The following TULP4 variants were observed in gnomAD, a reference collection of about 807,000 sequenced individuals.
TULP4 encodes tubby-related protein 4.
In TULP4, 16 loss-of-function variants were observed where a neutral mutation model predicts 129.0. That is an observed-to-expected ratio of 0.12 (90% CI 0.08 to 0.19). The LOEUF (loss-of-function observed/expected upper bound fraction) is 0.19. TULP4 is among the 10% of genes least tolerant of loss of function. TULP4 has a pLI of 1.00. For synonymous variants in TULP4, 998 were observed against 854.0 expected (o/e 1.17, Z -2.94); for missense variants, 1,842 against 2,059.1 (o/e 0.89, Z 2.04).
chr6:158,308,784 G>A (rs1389703844), upstream of TULP4, among the ~76,000 whole-genome samples: 43 of 140,020 alleles, frequency 3.1e-4, no homozygotes, highest in South Asian at 3.5e-3. Context: ...CCTCCCGGAC[G>A]GGGCAGCTGG....
chr6:158,508,878 GTTTTTTTTTTTTT>G lies in TULP4; in HGVS notation c.*2199_*2211del, dbSNP rs35396796. The G allele has an allele frequency of 1.0e-4, 8 of 77,680 alleles. No homozygotes were observed. Among genetic ancestry groups the G allele is most frequent in the African/African-American group, 1.7e-4 (3 of 17,672 alleles). 4.8% of individuals were successfully genotyped at this position (77,680 alleles called of 1,614,324 possible). A position where few individuals can be genotyped will look rare whatever the true frequency, so the allele number is the denominator to read the frequency against. On this transcript the variant is annotated 3_prime_UTR_variant, in exon 14 of 14. Coordinates refer to ENST00000367097, the MANE Select transcript of TULP4 (RefSeq NM_020245.5). ...AGAAATAAAGAGGATATGATAGAAG[GTTTTTTTTTTTTT>G]TTTTTTTTTTTTTTGAGACGGAGTC... is the stretch of plus-strand genomic sequence containing the variant.
At chr6:158,242,665 A>T in intron 1 of TULP4, 1 of 655,802 alleles carries the variant, frequency 1.5e-6, no homozygotes, top group South Asian at 1.6e-5. Context: ...TGGATAAGGC[A>T]TATCACTTTA....
In TULP4 at chr6:158,394,398, A is replaced by AAAT. The variant is rs1435251784; in HGVS notation, c.253-18667_253-18666insAAT. Among the ~76,000 whole-genome samples the AAAT allele has an allele frequency of 4.1e-3, 630 of 152,238 alleles. 7 individuals carry two copies. The highest frequency in any genetic ancestry group is 0.015 in the African/African-American group (607 of 41,546). ...ACCTTTGCCTATTACCCAGTTTCGAAGTCGCTTCCACATTTTCAGGTATCT... is the reference window on the plus strand; with the variant it reads ...ACCTTTGCCTATTACCCAGTTTCGAAAATGTCGCTTCCACATTTTCAGGTATCT... On this transcript the variant is annotated intron_variant, in intron 1 of 13. Coordinates refer to ENST00000367097, the MANE Select transcript of TULP4 (RefSeq NM_020245.5).
chr6:158,317,599 C>T (rs1372480380), intron 1 of TULP4, among the ~76,000 whole-genome samples: 1 of 152,122 alleles, frequency 6.6e-6, no homozygotes, highest in African/African-American at 2.4e-5. Flanking sequence ...CAAGTTTTTG[C>T]TATTGTGAAT....
At chr6:158,485,469 G>A (rs954737671) in intron 8 of TULP4, among the ~76,000 whole-genome samples, 2 of 152,232 alleles carry the variant, frequency 1.3e-5, no homozygotes, top group Non-Finnish European at 1.5e-5. Flanking sequence ...GATGGAAACA[G>A]GATGAAAGGA....
At chr6:158,485,372 A>G (rs1281582589) in intron 8 of TULP4, among the ~76,000 whole-genome samples, 1 of 152,242 alleles carries the variant, frequency 6.6e-6, no homozygotes, top group Non-Finnish European at 1.5e-5. Flanking sequence ...ATTTTGAAGA[A>G]AATACCAAAG....
At chr6:158,448,778 G>T (rs993956462) in intron 3 of TULP4, among the ~76,000 whole-genome samples, 1 of 152,190 alleles carries the variant, frequency 6.6e-6, no homozygotes, top group African/African-American at 2.4e-5. Context: ...TACTCATTCT[G>T]CTGTTAGTCA....
rs562260459 is a variant in TULP4, at chr6:158,347,725, G to A, written c.252+33457G>A. ...GCCAGCTGTCTCCCCTGCCTGGGTG[G>A]TGCCTTCTTGACACTTAGATTCTAC... is the stretch of plus-strand genomic sequence containing the variant. On this transcript the variant is annotated intron_variant, in intron 1 of 13. Coordinates refer to ENST00000367097, the MANE Select transcript of TULP4 (RefSeq NM_020245.5). 3.3e-5 allele frequency among the ~76,000 whole-genome samples: 5 copies of A among 152,318 alleles called. No homozygotes were observed. In the East Asian group the frequency reaches 9.6e-4, roughly 29 times the overall value.
chr6:158,506,492 A>T, intron 13 of TULP4, 86 bp from the exon 14 acceptor site: 1 of 889,040 alleles, frequency 1.1e-6, no homozygotes, highest in Non-Finnish European at 1.9e-6. Flanking sequence ...CGGCCTCCCA[A>T]AGTGCTGGGA....
chr6:158,429,904 C>A lies in TULP4; in HGVS notation c.543+7C>A, dbSNP rs1554290589. 3.7e-6 allele frequency: 6 copies of A among 1,612,802 alleles called. No individual in the cohort carries two copies. Among genetic ancestry groups the A allele is most frequent in the Non-Finnish European group, 5.1e-6 (6 of 1,179,480 alleles). Reference sequence around the variant, plus strand: ...GACTCCTGACGACCAACAGGTAACACTTCTGAAATGTGGTGGGTGTGTGAC... The same window carrying A: ...GACTCCTGACGACCAACAGGTAACAATTCTGAAATGTGGTGGGTGTGTGAC... On this transcript the variant is annotated splice_region_variant and intron_variant, in intron 3 of 13. Coordinates refer to ENST00000367097, the MANE Select transcript of TULP4 (RefSeq NM_020245.5).
rs1780662287 is a variant in TULP4 at position 158,508,841 on chromosome 6, T to C, written c.*2147T>C. On this transcript the variant is annotated 3_prime_UTR_variant, in exon 14 of 14. Transcript: ENST00000367097. ...GTTAACGACTTACATGGTCACAGTATATTTTGCTGCAAGAAATAAAGAGGA... is the reference window on the plus strand; with the variant it reads ...GTTAACGACTTACATGGTCACAGTACATTTTGCTGCAAGAAATAAAGAGGA... 6.6e-6 allele frequency: 1 copy of C among 152,080 alleles called. No homozygotes were observed. Among genetic ancestry groups the C allele is most frequent in the Admixed American group, 6.6e-5 (1 of 15,206 alleles). 9.4% of individuals were successfully genotyped at this position (152,080 alleles called of 1,614,324 possible).
intron 1 of TULP4, among the ~76,000 whole-genome samples, chr6:158,406,471 C>T (rs1330627950): frequency 1.3e-5 from 2 of 152,086 alleles, no homozygotes; most frequent in Non-Finnish European, 2.9e-5. Context: ...AACATACTTT[C>T]CAGTAGAATT....
At chr6:158,478,435 T>C (rs1044048870) in intron 6 of TULP4, among the ~76,000 whole-genome samples, 18 of 152,206 alleles carry the variant, frequency 1.2e-4, no homozygotes, top group Admixed American at 9.8e-4. Flanking sequence ...TTTCTGTGCA[T>C]TTTCTGTGTG....
intron 1 of TULP4, among the ~76,000 whole-genome samples, chr6:158,254,961 A>G (rs1778218107): frequency 1.3e-5 from 2 of 152,180 alleles, no homozygotes; most frequent in African/African-American, 4.8e-5. Context: ...AGTCCCAGCT[A>G]CTCAGGAGGC....
chr6:158,505,003 G>A (rs1448912775), intron 13 of TULP4, among the ~76,000 whole-genome samples: 1 of 146,826 alleles, frequency 6.8e-6, no homozygotes, highest in African/African-American at 2.6e-5. Flanking sequence ...CATGTATTAC[G>A]GCTTAGTTAC....
intron 1 of TULP4, among the ~76,000 whole-genome samples, chr6:158,348,799 G>A (rs866167345): frequency 2.6e-3 from 128 of 48,560 alleles, no homozygotes; most frequent in Admixed American, 4.2e-3. Context: ...TATACGGGGC[G>A]GCCGGGCAGA....
chr6:158,368,066 CAAAAAAAAAA>C (rs3085241), intron 1 of TULP4, among the ~76,000 whole-genome samples: 3 of 65,010 alleles, frequency 4.6e-5, no homozygotes, highest in Non-Finnish European at 8.7e-5. Flanking sequence ...ACCCTGTCTC[CAAAAAAAAAA>C]AAAAAAAAAA....
chr6:158,311,513 A>T (rs1480222301), upstream of TULP4, among the ~76,000 whole-genome samples: 1 of 152,240 alleles, frequency 6.6e-6, no homozygotes, highest in Non-Finnish European at 1.5e-5. Context: ...GGTAGACCAC[A>T]TAAAAGCTTA....
At chr6:158,431,062 A>G (rs1322755779) in intron 3 of TULP4, among the ~76,000 whole-genome samples, 4 of 152,086 alleles carry the variant, frequency 2.6e-5, no homozygotes, top group Non-Finnish European at 4.4e-5. Flanking sequence ...TTTCAGCTCC[A>G]TGTTTCTTCC....
Sources: gnomAD v4.1 joint callset for allele counts (sites outside exome capture counted in the v4.1 genomes callset) on GRCh38, gnomAD v4.1.1 for gene constraint, MANE v1.5 for transcripts, NCBI Gene and HGNC (gene_info 2026-07-23, HGNC 2026-07-21) for gene names.